Variants in NAPEPLD observed in about 807,000 individuals in gnomAD.
NAPEPLD encodes the protein N-acyl phosphatidylethanolamine phospholipase D, also known as N-acyl-phosphatidylethanolamine-hydrolyzing phospholipase D.
Under a neutral mutation model 38.1 loss-of-function variants are expected in NAPEPLD, and 23 were observed. The ratio of observed to expected loss-of-function variants is 0.60; its 90% CI spans 0.43 to 0.86. The LOEUF is 0.86. Among genes scored for constraint, NAPEPLD ranks in the 40% least tolerant of loss-of-function variants. The pLI is 0.00. For missense variants in NAPEPLD, 411 were observed against 476.8 expected (o/e 0.86, Z 1.28); for synonymous variants, 147 against 162.0 (o/e 0.91, Z 0.71).
rs1189636713 is a variant in NAPEPLD at position 103,103,049 on chromosome 7, A to G, written c.*380T>C. The G allele has an allele frequency of 6.5e-6, 1 of 154,606 alleles. No individual in the cohort carries two copies. The highest frequency in any genetic ancestry group is 1.4e-5 in the Non-Finnish European group (1 of 69,476). The allele number at this position is 154,606 out of a possible 1,614,324, so 9.6% of individuals were successfully genotyped here. On this transcript the variant is annotated 3_prime_UTR_variant, in exon 5 of 5. Coordinates refer to ENST00000465647, the MANE Select transcript of NAPEPLD (RefSeq NM_001122838.3). ...CTAGGTAGGTAGAGAGCCTTGACTC[A>G]CCTTGCCGAAGGTCCTGAAGAATGG...
At chr7:103,115,365 T>C (rs1805351366) in intron 3 of NAPEPLD, 191 bp from the exon 4 acceptor site, 4 of 450,904 alleles carry the variant, frequency 8.9e-6, no homozygotes, top group Non-Finnish European at 1.6e-5. Context: ...AGGTCAAGGC[T>C]AGATTGTAAA....
chr7:103,112,234 G>T (rs572970451), intron 4 of NAPEPLD, among the ~76,000 whole-genome samples: 14 of 152,208 alleles, frequency 9.2e-5, no homozygotes, highest in African/African-American at 3.4e-4. Context: ...ACCATTTGAC[G>T]CAGCAATCCC....
At chr7:103,139,754 C>T (rs533526571) in intron 1 of NAPEPLD, among the ~76,000 whole-genome samples, 1 of 152,110 alleles carries the variant, frequency 6.6e-6, no homozygotes, top group Non-Finnish European at 1.5e-5. Flanking sequence ...AAAAAATAAA[C>T]GAACAGTGAG....
intron 3 of NAPEPLD, among the ~76,000 whole-genome samples, chr7:103,116,114 T>C (rs1323035282): frequency 6.6e-6 from 1 of 151,954 alleles, no homozygotes; most frequent in East Asian, 1.9e-4. Flanking sequence ...CAGGCTAGAG[T>C]GCAGTGCCGC....
rs1362227874 is a variant in NAPEPLD at position 103,099,777 on chromosome 7, A to AT, written c.*3651dup. On this transcript the variant is annotated 3_prime_UTR_variant, in exon 5 of 5. Transcript: ENST00000465647. ...AAAAATCACTTACAAGGTTATACATATTTTTTCCCTTGACAGTACTTTATT... is the reference window on the plus strand; with the variant it reads ...AAAAATCACTTACAAGGTTATACATATTTTTTTCCCTTGACAGTACTTTATT... 1.3e-5 allele frequency: 2 copies of AT among 151,820 alleles called. No individual in the cohort carries two copies. The highest frequency in any genetic ancestry group is 4.2e-4 in the South Asian group (2 of 4,812). The allele number at this position is 151,820 out of a possible 1,614,324, so 9.4% of individuals were successfully genotyped here.
At chr7:103,112,618 C>G (rs926958967) in intron 4 of NAPEPLD, among the ~76,000 whole-genome samples, 6 of 151,512 alleles carry the variant, frequency 4.0e-5, no homozygotes, top group Admixed American at 1.3e-4. Context: ...TGGGGGGCTA[C>G]GGGAGGGATA....
upstream of NAPEPLD, chr7:103,149,146 A>T: frequency 1.0e-6 from 1 of 988,976 alleles, no homozygotes; most frequent in Non-Finnish European, 1.2e-6. Flanking sequence ...GAGAGGTCAC[A>T]GAGCACAGCA....
upstream of NAPEPLD, chr7:103,149,169 C>T (rs966781242): frequency 1.0e-6 from 1 of 991,350 alleles, no homozygotes. Context: ...CGGGAGAAAA[C>T]CGCCTCCCGC....
intron 1 of NAPEPLD, among the ~76,000 whole-genome samples, chr7:103,136,414 A>G (rs1267542757): frequency 2.0e-5 from 3 of 151,546 alleles, no homozygotes; most frequent in African/African-American, 7.3e-5. Flanking sequence ...TCTACTAAAA[A>G]AAAAAAAAAA....
In NAPEPLD at chr7:103,103,449, T is replaced by C. The variant is rs1234843482; in HGVS notation, c.1162A>G (p.Asn388Asp). 6.3e-7 allele frequency: 1 copy of C among 1,577,210 alleles called. No individual in the cohort carries two copies. The stretch of plus-strand genomic sequence containing the variant: ...ATTTATTAAAAGTTTTCATCATCAT[T>C]ATTTAGGTATCTTGATTCTCCATGC... The part of the protein sequence containing the change: ...LKHGESRYLN[N>D]DDENF Residue 388 changes from asparagine (N) to aspartate (D), a missense_variant, in exon 5 of 5, where the codon AAT becomes GAT. Transcript: ENST00000465647.
chr7:103,105,374 T>C (rs975053194), intron 4 of NAPEPLD, among the ~76,000 whole-genome samples: 4 of 152,256 alleles, frequency 2.6e-5, no homozygotes, highest in Non-Finnish European at 5.9e-5. Flanking sequence ...TTTCATGATA[T>C]ACAACAATAG....
chr7:103,106,978 C>T (rs759670650), intron 4 of NAPEPLD, among the ~76,000 whole-genome samples: 7 of 152,128 alleles, frequency 4.6e-5, no homozygotes, highest in South Asian at 2.1e-4. Context: ...CAGTAGGGGC[C>T]GACAGACATC....
At chr7:103,125,259 T>C (rs1807520722) in intron 2 of NAPEPLD, among the ~76,000 whole-genome samples, 1 of 152,230 alleles carries the variant, frequency 6.6e-6, no homozygotes, top group Non-Finnish European at 1.5e-5. Flanking sequence ...ATAACTCCAA[T>C]TCAATTAATT....
chr7:103,122,795 T>C (rs1228069844), intron 2 of NAPEPLD, among the ~76,000 whole-genome samples: 1 of 152,150 alleles, frequency 6.6e-6, no homozygotes, highest in African/African-American at 2.4e-5. Flanking sequence ...TGCTAAGAAA[T>C]ATTCAGACAT....
intron 1 of NAPEPLD, among the ~76,000 whole-genome samples, chr7:103,138,473 C>CTTT: frequency 6.9e-6 from 1 of 144,716 alleles, no homozygotes; most frequent in Admixed American, 6.8e-5. Flanking sequence ...TTCTACAGCC[C>CTTT]TTTTTTTTTT....
At chr7:103,108,799 C>A (rs1301701169) in intron 4 of NAPEPLD, among the ~76,000 whole-genome samples, 1 of 152,068 alleles carries the variant, frequency 6.6e-6, no homozygotes, top group African/African-American at 2.4e-5. Flanking sequence ...GACTGGTAAA[C>A]TGGATAAAGA....
chr7:103,129,383 A>G (rs576295399), intron 1 of NAPEPLD: 77 of 907,128 alleles, frequency 8.5e-5, no homozygotes, highest in Non-Finnish European at 9.2e-5. Flanking sequence ...TAAATTTTCC[A>G]TTTCAATGAC....
At position 103,143,825 on chromosome 7, in the gene NAPEPLD, AC is replaced by A. The variant is rs565239520; in HGVS notation, c.-17+4985del. ...GTTCAGGTTTAGGGGAGCTATAAAA[AC>A]ACCAATGGTAACAAATGCCCAAAAT... On this transcript the variant is annotated intron_variant, in intron 1 of 4. Coordinates refer to ENST00000465647, the MANE Select transcript of NAPEPLD (RefSeq NM_001122838.3). 3.3e-5 allele frequency among the ~76,000 whole-genome samples: 5 copies of A among 152,296 alleles called. No homozygotes were observed. The East Asian group carries it at 9.6e-4, about 29-fold the overall frequency.
At chr7:103,104,468 T>C (rs1802906652) in intron 4 of NAPEPLD, among the ~76,000 whole-genome samples, 1 of 152,206 alleles carries the variant, frequency 6.6e-6, no homozygotes, top group Non-Finnish European at 1.5e-5. Flanking sequence ...CAGCCAATGA[T>C]GTGCAAGGAA....
Sources: gnomAD v4.1 joint callset for allele counts (sites outside exome capture counted in the v4.1 genomes callset) on GRCh38, gnomAD v4.1.1 for gene constraint, MANE v1.5 for transcripts, NCBI Gene and HGNC (gene_info 2026-07-23, HGNC 2026-07-21) for gene names.